Variants in MAGI1 observed in about 807,000 individuals in gnomAD.
MAGI1 encodes the protein membrane associated guanylate kinase, WW and PDZ domain containing 1.
In MAGI1, 58 loss-of-function variants were observed where a neutral mutation model predicts 139.9. That is an observed-to-expected ratio of 0.41 (90% CI 0.34 to 0.52). MAGI1 has a LOEUF of 0.52. Ranked by LOEUF, MAGI1 falls within the 20% of genes least tolerant of loss-of-function variation. The probability of loss-of-function intolerance (pLI) is 0.12; values close to 1 mark genes in which losing one functional copy is unlikely to be tolerated. For synonymous variants in MAGI1, 812 were observed against 737.9 expected, an observed-to-expected ratio of 1.10 and a Z score of -1.63; for missense variants, 1,874 against 1,901.6, an observed-to-expected ratio of 0.99 and a Z score of 0.27.
chr3:65,360,278 TCA>T, intron 22 of MAGI1: 3 of 984,086 alleles, frequency 3.0e-6, no homozygotes, highest in Non-Finnish European at 3.6e-6. Flanking sequence ...GACCATTCAA[TCA>T]CAGTTTCTAT....
intron 1 of MAGI1, among the ~76,000 whole-genome samples, chr3:65,878,284 AG>A (rs1332217785): frequency 6.6e-6 from 1 of 152,202 alleles, no homozygotes. Context: ...TGGGAGGCCA[AG>A]GCGGGCAGAT....
In MAGI1 at chr3:65,814,070, T is replaced by C. The variant is rs547120067; in HGVS notation, c.314-191982A>G. ...TATTATGCAGCCATTATAAATCATGTTACATAAAAATATACACAAACTAAA... is the reference window on the plus strand; with the variant it reads ...TATTATGCAGCCATTATAAATCATGCTACATAAAAATATACACAAACTAAA... On this transcript the variant is annotated intron_variant, in intron 1 of 22. Transcript: ENST00000402939. Among the ~76,000 whole-genome samples, 13 of 152,096 alleles carry C rather than the reference T, an allele frequency of 8.5e-5. No homozygotes were observed. In the South Asian group the frequency reaches 2.5e-3, roughly 29 times the overall value.
chr3:65,575,133 T>C (rs1252788712), intron 2 of MAGI1, among the ~76,000 whole-genome samples: 4 of 152,026 alleles, frequency 2.6e-5, no homozygotes, highest in Non-Finnish European at 5.9e-5. Flanking sequence ...AAGGCACATA[T>C]TGGGAAAAAG....
intron 1 of MAGI1, among the ~76,000 whole-genome samples, chr3:65,976,271 G>A (rs2065260465): frequency 6.6e-6 from 1 of 152,148 alleles, no homozygotes; most frequent in Non-Finnish European, 1.5e-5. Context: ...CTTATATATA[G>A]CCATTTTTTA....
intron 1 of MAGI1, among the ~76,000 whole-genome samples, chr3:65,669,874 T>C (rs1326990833): frequency 1.3e-5 from 2 of 152,188 alleles, no homozygotes; most frequent in Non-Finnish European, 2.9e-5. Flanking sequence ...CTGTTGTCGG[T>C]CCCTTTCAAT....
intron 1 of MAGI1, among the ~76,000 whole-genome samples, chr3:65,764,084 G>GAAAAAAAAAA (rs5849691): frequency 1.6e-5 from 2 of 125,494 alleles, no homozygotes; most frequent in East Asian, 2.3e-4. Context: ...AAGAAAAAAA[G>GAAAAAAAAAA]AAAAAAAAAA....
At chr3:65,987,229 T>C (rs6807782) in intron 1 of MAGI1, among the ~76,000 whole-genome samples, 87,562 of 152,000 alleles carry the variant, frequency 0.58, 29,034 homozygotes, top group East Asian at 0.84. Context: ...ATTTCACTCA[T>C]GTGACTTTGG....
chr3:65,759,891 A>G (rs144400213), intron 1 of MAGI1, among the ~76,000 whole-genome samples: 2 of 152,300 alleles, frequency 1.3e-5, no homozygotes, highest in East Asian at 3.9e-4. Context: ...TCGGGGCTCT[A>G]GAATTAGCCT....
chr3:65,800,968 T>C (rs192365483), intron 1 of MAGI1, among the ~76,000 whole-genome samples: 1 of 152,248 alleles, frequency 6.6e-6, no homozygotes, highest in Admixed American at 6.5e-5. Flanking sequence ...TAAAACAGAG[T>C]TGGATGAATC....
chr3:65,364,365 T>G (rs1941197261), intron 20 of MAGI1, among the ~76,000 whole-genome samples: 1 of 152,036 alleles, frequency 6.6e-6, no homozygotes, highest in Non-Finnish European at 1.5e-5. Context: ...GGCAGAAGCA[T>G]GTTTATGAAT....
intron 12 of MAGI1, among the ~76,000 whole-genome samples, chr3:65,407,463 G>C (rs1196602210): frequency 2.0e-5 from 3 of 147,896 alleles, no homozygotes; most frequent in African/African-American, 7.4e-5. Flanking sequence ...AAAAAAAAAA[G>C]GAAACAATCT....
chr3:65,730,327 T>A (rs1015425143), intron 1 of MAGI1, among the ~76,000 whole-genome samples: 1 of 152,210 alleles, frequency 6.6e-6, no homozygotes, highest in Non-Finnish European at 1.5e-5. Flanking sequence ...ATTCTCAGCA[T>A]GTGAATTTTC....
intron 1 of MAGI1, among the ~76,000 whole-genome samples, chr3:65,798,957 G>A (rs2040335587): frequency 6.6e-6 from 1 of 152,086 alleles, no homozygotes; most frequent in Non-Finnish European, 1.5e-5. Context: ...CAGGTCGACT[G>A]TCAAAGTATC....
intron 1 of MAGI1, among the ~76,000 whole-genome samples, chr3:65,701,483 C>A (rs1242078566): frequency 1.3e-5 from 2 of 152,184 alleles, no homozygotes; most frequent in East Asian, 3.9e-4. Context: ...GAACTCCTGA[C>A]CTCAAGTGAT....
intron 1 of MAGI1, among the ~76,000 whole-genome samples, chr3:65,949,156 C>T (rs2063676957): frequency 6.6e-6 from 1 of 152,188 alleles, no homozygotes; most frequent in African/African-American, 2.4e-5. Context: ...TATTAAAATG[C>T]AAGGCCCTTG....
intron 2 of MAGI1, among the ~76,000 whole-genome samples, chr3:65,588,391 A>G (rs747116391): frequency 1.3e-5 from 2 of 152,194 alleles, no homozygotes; most frequent in Non-Finnish European, 2.9e-5. Flanking sequence ...TAACAAAAAG[A>G]AAAAATGCTA....
intron 1 of MAGI1, among the ~76,000 whole-genome samples, chr3:66,027,473 T>C (rs1433763951): frequency 6.6e-6 from 1 of 152,076 alleles, no homozygotes; most frequent in East Asian, 1.9e-4. Context: ...ATGCCCCTGC[T>C]GTCAAGGCAT....
At chr3:65,508,240 A>G (rs2077387342) in intron 2 of MAGI1, among the ~76,000 whole-genome samples, 1 of 152,018 alleles carries the variant, frequency 6.6e-6, no homozygotes, top group South Asian at 2.1e-4. Context: ...CGTCTCTACT[A>G]AAAATACGAA....
intron 2 of MAGI1, among the ~76,000 whole-genome samples, chr3:65,610,941 G>GTA (rs2106934868): frequency 7.6e-6 from 1 of 132,346 alleles, no homozygotes; most frequent in South Asian, 2.3e-4. Flanking sequence ...AGTATATATA[G>GTA]TAGATAGTAT....
Sources: gnomAD v4.1 joint callset for allele counts (sites outside exome capture counted in the v4.1 genomes callset) on GRCh38, gnomAD v4.1.1 for gene constraint, MANE v1.5 for transcripts, NCBI Gene and HGNC (gene_info 2026-07-23, HGNC 2026-07-21) for gene names.